TBC1D22A: variants seen among roughly 807,000 people sequenced by gnomAD.
The protein encoded by TBC1D22A is TBC1 domain family member 22A.
TBC1D22A carries 38 observed loss-of-function variants against 60.2 expected under a neutral mutation model. The observed-to-expected ratio is 0.63, with a 90% CI of 0.49 to 0.83. The LOEUF (loss-of-function observed/expected upper bound fraction) is 0.83. Among genes scored for constraint, TBC1D22A ranks in the 40% least tolerant of loss-of-function variants. The pLI, the probability that TBC1D22A is intolerant of heterozygous loss-of-function variation, is 0.00. For missense variants in TBC1D22A, 628 were observed against 701.0 expected, an observed-to-expected ratio of 0.90 and a Z score of 1.18; for synonymous variants, 302 against 281.7, an observed-to-expected ratio of 1.07 and a Z score of -0.72.
intron 11 of TBC1D22A, among the ~76,000 whole-genome samples, chr22:47,104,694 CAAAAA>C (rs34812715): frequency 2.0e-5 from 2 of 102,154 alleles, no homozygotes; most frequent in African/African-American, 3.8e-5. Context: ...GACTCTGTCT[CAAAAA>C]AAAAAAAAAA....
chr22:47,051,486 G>A (rs773789781), intron 11 of TBC1D22A, among the ~76,000 whole-genome samples: 2 of 152,198 alleles, frequency 1.3e-5, no homozygotes, highest in Non-Finnish European at 1.5e-5. Context: ...CGGACCCTGG[G>A]TGCGGCAGGG....
chr22:46,866,580 T>A (rs951376646), intron 4 of TBC1D22A, among the ~76,000 whole-genome samples: 3 of 152,254 alleles, frequency 2.0e-5, no homozygotes, highest in Admixed American at 1.3e-4. Context: ...AGAATAGATA[T>A]GGCATTACAT....
intron 8 of TBC1D22A, chr22:46,915,295 A>G (rs530444229): frequency 5.9e-5 from 25 of 422,252 alleles, no homozygotes; most frequent in African/African-American, 2.2e-4. Context: ...CAGAGAGGCT[A>G]TTCTGGTTTG....
chr22:46,813,494 A>G (rs2085467894), intron 4 of TBC1D22A, among the ~76,000 whole-genome samples: 1 of 152,244 alleles, frequency 6.6e-6, no homozygotes, highest in Admixed American at 6.5e-5. Flanking sequence ...CCAGGGTAGA[A>G]GAAGAATGCT....
intron 5 of TBC1D22A, among the ~76,000 whole-genome samples, chr22:46,879,060 A>T (rs559774520): frequency 6.6e-6 from 1 of 152,182 alleles, no homozygotes; most frequent in African/African-American, 2.4e-5. Flanking sequence ...GAAACAGGGA[A>T]ATATGTTTTA....
At chr22:46,820,044 T>C (rs907126090) in intron 4 of TBC1D22A, among the ~76,000 whole-genome samples, 7 of 152,246 alleles carry the variant, frequency 4.6e-5, no homozygotes, top group African/African-American at 1.7e-4. Flanking sequence ...TATAGTATTC[T>C]CTGATGGTAG....
chr22:46,966,012 G>A (rs757923322), intron 8 of TBC1D22A, among the ~76,000 whole-genome samples: 5 of 152,142 alleles, frequency 3.3e-5, no homozygotes, highest in Non-Finnish European at 7.4e-5. Context: ...ACTCTCCTGG[G>A]GCCCTGTGCT....
intron 1 of TBC1D22A, among the ~76,000 whole-genome samples, chr22:46,770,349 C>G (rs371616834): frequency 6.6e-6 from 1 of 152,246 alleles, no homozygotes; most frequent in Admixed American, 6.5e-5. Context: ...CTTCGAGCCT[C>G]CCGGAAGGGG....
Position 46,799,643 on chromosome 22 carries a change from C to T in TBC1D22A, c.637+2023C>T, listed in dbSNP as rs573854488. On this transcript the variant is annotated intron_variant, in intron 4 of 12. Coordinates refer to ENST00000337137, the MANE Select transcript of TBC1D22A (RefSeq NM_014346.5). ...TTGGATGTCACGCCTCTGTCTTCTC[C>T]ACTAACCTGGCGCAGCAGCTTTGCC... Among the ~76,000 whole-genome samples, 39 of 152,316 alleles carry T rather than the reference C, an allele frequency of 2.6e-4. No individual in the cohort carries two copies. The East Asian group carries it at 6.4e-3, about 25-fold the overall frequency.
chr22:46,890,956 C>T (rs1300341470), intron 5 of TBC1D22A, among the ~76,000 whole-genome samples: 1 of 152,142 alleles, frequency 6.6e-6, no homozygotes, highest in African/African-American at 2.4e-5. Flanking sequence ...TGTAGAAGAG[C>T]CTTGGGCCCA....
chr22:46,851,349 G>A (rs528205088), intron 4 of TBC1D22A, among the ~76,000 whole-genome samples: 1 of 152,296 alleles, frequency 6.6e-6, no homozygotes, highest in East Asian at 1.9e-4. Flanking sequence ...CCCGGGCTGG[G>A]GCAGGCATGG....
chr22:47,145,368 G>T (rs2067249607), intron 12 of TBC1D22A, among the ~76,000 whole-genome samples: 1 of 152,312 alleles, frequency 6.6e-6, no homozygotes. Context: ...GTGGAAGGAG[G>T]ACCCTGAGTG....
At chr22:46,843,539 T>C (rs1050400747) in intron 4 of TBC1D22A, among the ~76,000 whole-genome samples, 1 of 151,754 alleles carries the variant, frequency 6.6e-6, no homozygotes. Flanking sequence ...TGGCCCCCAG[T>C]ACATTTTGGG....
intron 12 of TBC1D22A, among the ~76,000 whole-genome samples, chr22:47,165,681 G>T (rs1015057772): frequency 6.6e-6 from 1 of 152,144 alleles, no homozygotes; most frequent in African/African-American, 2.4e-5. Context: ...CGCTCCTCAG[G>T]TTCCTCACCT....
At chr22:47,000,216 C>T (rs1305391420) in intron 10 of TBC1D22A, among the ~76,000 whole-genome samples, 3 of 152,018 alleles carry the variant, frequency 2.0e-5, no homozygotes, top group Non-Finnish European at 1.5e-5. Context: ...CAAAGTCAAG[C>T]GGAAGTTTCA....
intron 8 of TBC1D22A, among the ~76,000 whole-genome samples, chr22:46,941,593 A>ACG (rs2072100645): frequency 6.8e-6 from 1 of 147,760 alleles, no homozygotes; most frequent in African/African-American, 2.5e-5. Flanking sequence ...GAATATATAT[A>ACG]CGGAATATAT....
At chr22:47,170,754 C>T (rs1447032830) in intron 12 of TBC1D22A, among the ~76,000 whole-genome samples, 3 of 142,102 alleles carry the variant, frequency 2.1e-5, no homozygotes, top group Non-Finnish European at 3.0e-5. Flanking sequence ...GTGTAACCCT[C>T]CTGATGCAGG....
At chr22:47,055,742 G>A (rs1259797365) in intron 11 of TBC1D22A, among the ~76,000 whole-genome samples, 1 of 152,060 alleles carries the variant, frequency 6.6e-6, no homozygotes, top group African/African-American at 2.4e-5. Context: ...GGGGCCAGGA[G>A]GAAAAGGCCA....
intron 12 of TBC1D22A, among the ~76,000 whole-genome samples, chr22:47,129,953 A>T (rs1410307674): frequency 6.6e-6 from 1 of 152,208 alleles, no homozygotes; most frequent in Non-Finnish European, 1.5e-5. Flanking sequence ...GGAAGAGGGA[A>T]GCTGAGAATT....
Sources: allele counts gnomAD v4.1 joint callset (sites outside exome capture counted in the v4.1 genomes callset), GRCh38; gene constraint gnomAD v4.1.1; transcripts MANE v1.5; gene names NCBI Gene and HGNC (gene_info 2026-07-23, HGNC 2026-07-21).